The following PIK3C2G variants were observed in gnomAD, a reference collection of about 807,000 sequenced individuals.
The protein encoded by PIK3C2G is phosphatidylinositol-4-phosphate 3-kinase catalytic subunit type 2 gamma, also known as phosphatidylinositol 3-kinase C2 domain-containing subunit gamma.
Under a neutral mutation model 181.1 loss-of-function variants are expected in PIK3C2G, and 168 were observed. That is an observed-to-expected ratio of 0.93 (90% confidence interval 0.82 to 1.05). The LOEUF (loss-of-function observed/expected upper bound fraction) is 1.05. PIK3C2G is among the 50% of genes least tolerant of loss of function. The pLI is 0.00. For synonymous variants in PIK3C2G, 573 were observed against 592.2 expected, an observed-to-expected ratio of 0.97 and a Z score of 0.47; for missense variants, 1,869 against 1,732.8, an observed-to-expected ratio of 1.08 and a Z score of -1.40.
the PIK3C2G span, among the ~76,000 whole-genome samples, chr12:18,681,106 A>C: frequency 2.6e-5 from 4 of 152,090 alleles, no homozygotes; most frequent in Non-Finnish European, 5.9e-5. Flanking sequence ...GTCCGGGTTG[A>C]TGCTCTGTGA....
chr12:18,463,632 C>T (rs1287252967), intron 18 of PIK3C2G, among the ~76,000 whole-genome samples: 1 of 152,202 alleles, frequency 6.6e-6, no homozygotes, highest in South Asian at 2.1e-4. Context: ...GGTAGTTTAT[C>T]TGCATTTATT....
At chr12:18,383,642 A>G (rs1478619298) in intron 14 of PIK3C2G, among the ~76,000 whole-genome samples, 2 of 152,212 alleles carry the variant, frequency 1.3e-5, no homozygotes, top group African/African-American at 4.8e-5. Flanking sequence ...TATGTGAGGA[A>G]CAGTGGTAAA....
chr12:18,380,568 C>G (rs1374507994), intron 13 of PIK3C2G, among the ~76,000 whole-genome samples: 2 of 152,170 alleles, frequency 1.3e-5, no homozygotes, highest in African/African-American at 4.8e-5. Context: ...TCATACCTTA[C>G]TAATACTGGA....
the PIK3C2G span, among the ~76,000 whole-genome samples, chr12:18,663,431 A>ATGTT: frequency 1.3e-5 from 2 of 152,156 alleles, no homozygotes; most frequent in Non-Finnish European, 2.9e-5. Flanking sequence ...AGCATAGGTA[A>ATGTT]TGTAGAGATT....
intron 2 of PIK3C2G, chr12:18,285,482 T>G (rs977637480): frequency 6.6e-6 from 1 of 152,042 alleles, no homozygotes; most frequent in Non-Finnish European, 1.5e-5. Flanking sequence ...TGAAAGACAA[T>G]GTACCAAGCA....
At chr12:18,334,950 G>A (rs182335655) in intron 8 of PIK3C2G, among the ~76,000 whole-genome samples, 2 of 151,958 alleles carry the variant, frequency 1.3e-5, no homozygotes, top group Non-Finnish European at 2.9e-5. Flanking sequence ...ACTTCTGCCT[G>A]GGTCCAAAAA....
chr12:18,403,157 T>C (rs1325490246), intron 16 of PIK3C2G, among the ~76,000 whole-genome samples: 1 of 152,342 alleles, frequency 6.6e-6, no homozygotes, highest in East Asian at 1.9e-4. Context: ...ATCTCGGTCA[T>C]GCTCAGATGT....
chr12:18,705,809 CG>C, the PIK3C2G span, among the ~76,000 whole-genome samples: 11 of 151,972 alleles, frequency 7.2e-5, no homozygotes, highest in South Asian at 2.3e-3. Flanking sequence ...GAGATTACAA[CG>C]AGCCGAGGTT....
intron 31 of PIK3C2G, among the ~76,000 whole-genome samples, chr12:18,621,245 T>G (rs2136666701): frequency 6.6e-6 from 1 of 151,988 alleles, no homozygotes; most frequent in Non-Finnish European, 1.5e-5. Context: ...AGAGTTCAAT[T>G]GCCTGTTAGC....
At chr12:18,573,654 A>T (rs1330929003) in intron 29 of PIK3C2G, among the ~76,000 whole-genome samples, 1 of 152,164 alleles carries the variant, frequency 6.6e-6, no homozygotes, top group East Asian at 1.9e-4. Context: ...AATTATTCTC[A>T]TTAGGATATT....
intron 13 of PIK3C2G, among the ~76,000 whole-genome samples, chr12:18,372,051 G>A (rs1484637231): frequency 2.6e-5 from 4 of 152,018 alleles, no homozygotes; most frequent in Non-Finnish European, 5.9e-5. Context: ...TGCTGTTTTA[G>A]AAAGATATGG....
At chr12:18,463,760 T>C (rs1022130139) in intron 18 of PIK3C2G, among the ~76,000 whole-genome samples, 1 of 152,172 alleles carries the variant, frequency 6.6e-6, no homozygotes, top group African/African-American at 2.4e-5. Context: ...CATTTTACAA[T>C]TGAGGAAACT....
At chr12:18,353,850 T>C in intron 11 of PIK3C2G, among the ~76,000 whole-genome samples, 1 of 152,188 alleles carries the variant, frequency 6.6e-6, no homozygotes, top group East Asian at 1.9e-4. Flanking sequence ...AAATCCCTGG[T>C]CTTTCATGAA....
intron 16 of PIK3C2G, among the ~76,000 whole-genome samples, chr12:18,414,952 T>C (rs897500068): frequency 3.3e-5 from 5 of 152,228 alleles, no homozygotes; most frequent in Non-Finnish European, 5.9e-5. Flanking sequence ...CAGCTTCTTC[T>C]GGAACTTCAA....
intron 29 of PIK3C2G, among the ~76,000 whole-genome samples, chr12:18,573,090 A>G (rs1481673278): frequency 6.6e-6 from 1 of 152,128 alleles, no homozygotes; most frequent in Non-Finnish European, 1.5e-5. Context: ...ATTTTCAATC[A>G]TGTAGTCTTG....
chr12:18,295,413 A>G (rs1483529330), intron 5 of PIK3C2G, among the ~76,000 whole-genome samples: 1 of 152,028 alleles, frequency 6.6e-6, no homozygotes, highest in East Asian at 1.9e-4. Context: ...CATTATATCC[A>G]AAGAGCAAAA....
chr12:18,308,698 A>T (rs1950519444), intron 5 of PIK3C2G, among the ~76,000 whole-genome samples: 2 of 151,656 alleles, frequency 1.3e-5, no homozygotes, highest in African/African-American at 4.8e-5. Flanking sequence ...GTACCCCAAA[A>T]AGAATTTGTG....
In PIK3C2G at chr12:18,609,627, A is replaced by G. The variant is rs752079324; in HGVS notation, c.4180A>G (p.Ile1394Val). Residue 1394 changes from isoleucine (I) to valine (V), a missense_variant and splice_region_variant, in exon 31 of 33, where the codon ATT becomes GTT. Physicochemically the swap from Ile to Val is conservative, Grantham distance 29. Coordinates refer to ENST00000538779, the MANE Select transcript of PIK3C2G (RefSeq NM_001288772.2). ...LTILVKHMKNIHLPDGSAPSA... is the reference protein window; with the variant it reads ...LTILVKHMKNVHLPDGSAPSA... ...CATACTAGTGAAACACATGAAAAAC[A>G]TTGTAAGTTTATTATGTATAATAAG... The G allele has an allele frequency of 6.5e-7, 1 of 1,530,656 alleles. No individual in the cohort carries two copies. Among genetic ancestry groups the G allele is most frequent in the Non-Finnish European group, 8.9e-7 (1 of 1,121,590 alleles). 94.8% of individuals were successfully genotyped at this position (1,530,656 alleles called of 1,614,324 possible).
chr12:18,611,705 T>C (rs949258496), intron 31 of PIK3C2G, among the ~76,000 whole-genome samples: 4 of 152,060 alleles, frequency 2.6e-5, no homozygotes, highest in African/African-American at 9.7e-5. Context: ...TTACTCAGGT[T>C]AAAAACCTAG....
Sources: allele counts gnomAD v4.1 joint callset (sites outside exome capture counted in the v4.1 genomes callset), GRCh38; gene constraint gnomAD v4.1.1; transcripts MANE v1.5; gene names NCBI Gene and HGNC (gene_info 2026-07-23, HGNC 2026-07-21).